Variants in RHOJ observed in about 807,000 individuals in gnomAD.
RHOJ encodes ras homolog family member J.
A neutral mutation model predicts 23.4 loss-of-function variants in RHOJ; 11 were observed. That is an observed-to-expected ratio of 0.47 (90% confidence interval 0.30 to 0.78). RHOJ has a LOEUF of 0.78. Among genes scored for constraint, RHOJ ranks in the 30% least tolerant of loss-of-function variants. RHOJ has a pLI of 0.08. For synonymous variants in RHOJ, 102 were observed against 102.7 expected, an observed-to-expected ratio of 0.99 and a Z score of 0.04; for missense variants, 254 against 273.4, an observed-to-expected ratio of 0.93 and a Z score of 0.50.
intron 2 of RHOJ, among the ~76,000 whole-genome samples, chr14:63,274,291 A>G (rs1376936805): frequency 2.0e-5 from 3 of 152,116 alleles, no homozygotes; most frequent in East Asian, 3.9e-4. Flanking sequence ...AGCAACTCCA[A>G]ATTTCTTGCT....
chr14:63,259,711 T>C (rs1304879571), intron 1 of RHOJ, among the ~76,000 whole-genome samples: 2 of 152,114 alleles, frequency 1.3e-5, no homozygotes, highest in Non-Finnish European at 2.9e-5. Flanking sequence ...CCAATCATAA[T>C]TAACCATCAA....
chr14:63,269,072 T>C, intron 1 of RHOJ, 38 bp from the exon 2 acceptor site: 2 of 1,478,410 alleles, frequency 1.4e-6, no homozygotes, highest in Non-Finnish European at 1.9e-6. Flanking sequence ...CTTGTGTTTA[T>C]GGACTCTCCT....
chr14:63,237,241 T>A (rs1406482789), intron 1 of RHOJ, among the ~76,000 whole-genome samples: 1 of 152,136 alleles, frequency 6.6e-6, no homozygotes, highest in Non-Finnish European at 1.5e-5. Context: ...AAACAAAGTT[T>A]TCTTATTTTT....
intron 1 of RHOJ, among the ~76,000 whole-genome samples, chr14:63,214,800 C>A (rs987598906): frequency 1.3e-5 from 2 of 152,068 alleles, no homozygotes; most frequent in Admixed American, 1.3e-4. Flanking sequence ...AGCCAAGTAC[C>A]AGCTGCTGGG....
intron 1 of RHOJ, among the ~76,000 whole-genome samples, chr14:63,211,958 C>A (rs180844523): frequency 5.2e-4 from 79 of 152,248 alleles, no homozygotes; most frequent in African/African-American, 1.8e-3. Context: ...ACAAGTAAAC[C>A]AAACATGTAA....
rs536556940 is a variant in RHOJ, at chr14:63,260,068, T to C, written c.179-9042T>C. Among the ~76,000 whole-genome samples, 20 of 152,350 alleles carry C rather than the reference T, an allele frequency of 1.3e-4. No homozygotes were observed. The South Asian group carries it at 3.9e-3, about 30-fold the overall frequency. ...CAGAAACACACACTAAATATTCACT[T>C]GGCTAGTTTATCTCACTATACCTAG... On this transcript the variant is annotated intron_variant, in intron 1 of 4. Coordinates refer to ENST00000316754, the MANE Select transcript of RHOJ (RefSeq NM_020663.5).
intron 1 of RHOJ, among the ~76,000 whole-genome samples, chr14:63,262,730 T>C (rs908675149): frequency 2.0e-5 from 3 of 152,338 alleles, no homozygotes; most frequent in Admixed American, 6.5e-5. Context: ...ATTCTGCCCC[T>C]GGTGCTGTAT....
intron 1 of RHOJ, among the ~76,000 whole-genome samples, chr14:63,220,282 T>G (rs1894460760): frequency 6.6e-6 from 1 of 152,074 alleles, no homozygotes; most frequent in South Asian, 2.1e-4. Context: ...CTCTCTTTGG[T>G]GCAGACAGTG....
chr14:63,218,678 C>T (rs1566606016), intron 1 of RHOJ, among the ~76,000 whole-genome samples: 1 of 152,152 alleles, frequency 6.6e-6, no homozygotes, highest in Non-Finnish European at 1.5e-5. Context: ...AGATCCAATT[C>T]CAGTTTCACA....
chr14:63,215,528 C>T (rs1015792988), intron 1 of RHOJ, among the ~76,000 whole-genome samples: 5 of 152,126 alleles, frequency 3.3e-5, no homozygotes, highest in African/African-American at 1.2e-4. Flanking sequence ...ACTGTGTGTC[C>T]AGCCCTGTGT....
At chr14:63,246,172 C>G (rs1357361416) in intron 1 of RHOJ, among the ~76,000 whole-genome samples, 1 of 152,110 alleles carries the variant, frequency 6.6e-6, no homozygotes, top group African/African-American at 2.4e-5. Flanking sequence ...TTTCTCCCTC[C>G]TCTCTCTCAC....
chr14:63,225,547 C>G (rs2139741882), intron 1 of RHOJ, among the ~76,000 whole-genome samples: 1 of 152,194 alleles, frequency 6.6e-6, no homozygotes, highest in African/African-American at 2.4e-5. Context: ...CTGATATGAC[C>G]ATGATTGTAT....
rs1430738618 is a variant in RHOJ at position 63,292,411 on chromosome 14, A to T, written c.*1387A>T. On this transcript the variant is annotated 3_prime_UTR_variant, in exon 5 of 5. Transcript: ENST00000316754. ...ATTCCAAACATCCAGGAATTTTTGTATCATAGAGCGAATTACTTCCTATCT... is the reference window on the plus strand; with the variant it reads ...ATTCCAAACATCCAGGAATTTTTGTTTCATAGAGCGAATTACTTCCTATCT... 1 of 152,226 alleles carries T rather than the reference A, an allele frequency of 6.6e-6. No homozygotes were observed. Among genetic ancestry groups the T allele is most frequent in the East Asian group, 1.9e-4 (1 of 5,196 alleles). 9.4% of individuals were successfully genotyped at this position (152,226 alleles called of 1,614,324 possible). A position where few individuals can be genotyped will look rare whatever the true frequency, so the allele number is the denominator to read the frequency against.
At chr14:63,255,857 T>C (rs77562844) in intron 1 of RHOJ, among the ~76,000 whole-genome samples, 1 of 114,120 alleles carries the variant, frequency 8.8e-6, no homozygotes, top group Admixed American at 8.3e-5. Flanking sequence ...ACCTTTATCC[T>C]TTTTTTTTTA....
At position 63,204,862 on chromosome 14, in the gene RHOJ, C is replaced by T. The variant is rs1161407659; in HGVS notation, c.-8C>T. 6 of 1,609,340 alleles carry T rather than the reference C, an allele frequency of 3.7e-6. No homozygotes were observed. The highest frequency in any genetic ancestry group is 1.7e-6 in the Non-Finnish European group (2 of 1,177,638). ...CAGCAGGAGTCCCCAGCAGCTGGAG[C>T]CGCAAGAATGAACTGCAAAGAGGGA... On this transcript the variant is annotated 5_prime_UTR_variant, in exon 1 of 5. Transcript: ENST00000316754.
chr14:63,247,764 A>G (rs997554979), intron 1 of RHOJ, among the ~76,000 whole-genome samples: 4 of 152,178 alleles, frequency 2.6e-5, no homozygotes, highest in South Asian at 4.1e-4. Context: ...CAAGTATTGT[A>G]TTAGTCTGTT....
At chr14:63,223,090 C>G (rs1002572713) in intron 1 of RHOJ, among the ~76,000 whole-genome samples, 2 of 152,112 alleles carry the variant, frequency 1.3e-5, no homozygotes, top group African/African-American at 4.8e-5. Flanking sequence ...ATCAGTGGAC[C>G]TTGAGTTTGT....
At chr14:63,265,485 G>A (rs1895351338) in intron 1 of RHOJ, among the ~76,000 whole-genome samples, 1 of 152,198 alleles carries the variant, frequency 6.6e-6, no homozygotes, top group Non-Finnish European at 1.5e-5. Context: ...TTTTTGCTTA[G>A]AATTGCTTTA....
At chr14:63,245,753 C>T (rs1299998027) in intron 1 of RHOJ, among the ~76,000 whole-genome samples, 1 of 152,128 alleles carries the variant, frequency 6.6e-6, no homozygotes, top group Non-Finnish European at 1.5e-5. Context: ...TTGGTAAATG[C>T]TTACAAACTG....
Sources: allele counts gnomAD v4.1 joint callset (sites outside exome capture counted in the v4.1 genomes callset), GRCh38; gene constraint gnomAD v4.1.1; transcripts MANE v1.5; gene names NCBI Gene and HGNC (gene_info 2026-07-23, HGNC 2026-07-21).